Variants in DNAH17 observed in about 807,000 individuals in gnomAD.
The protein encoded by DNAH17 is dynein axonemal heavy chain 17, also known as axonemal beta dynein heavy chain 17.
In DNAH17, 376 loss-of-function variants were observed where a neutral mutation model predicts 485.6. The ratio of observed to expected loss-of-function variants is 0.77; its 90% CI spans 0.71 to 0.84. DNAH17 has a LOEUF of 0.84. Among genes scored for constraint, DNAH17 ranks in the 40% least tolerant of loss-of-function variants. The pLI is 0.00. For synonymous variants in DNAH17, 3,031 were observed against 2,405.9 expected (o/e 1.26, Z -7.60); for missense variants, 6,370 against 5,839.3 (o/e 1.09, Z -2.96).
intron 76 of DNAH17, 125 bp downstream of exon 76, chr17:78,428,994 CAT>C: frequency 1.1e-6 from 1 of 936,218 alleles, no homozygotes. Flanking sequence ...ACGCATTTCT[CAT>C]CCTCTCTTAT....
At chr17:78,440,407 C>T (rs1416871199) in intron 72 of DNAH17, among the ~76,000 whole-genome samples, 1 of 151,934 alleles carries the variant, frequency 6.6e-6, no homozygotes. Context: ...CAGGCGTACA[C>T]CACCATACCT....
intron 19 of DNAH17, among the ~76,000 whole-genome samples, chr17:78,533,539 C>T (rs1392193517): frequency 6.6e-6 from 1 of 152,130 alleles, no homozygotes. Flanking sequence ...CTATACGGAT[C>T]TTTTTAGTTG....
At position 78,423,708 on chromosome 17, in the gene DNAH17, A is replaced by C. The variant is rs1340221459; in HGVS notation, c.*198T>G. On this transcript the variant is annotated 3_prime_UTR_variant, in exon 81 of 81. Transcript: ENST00000389840. ...TGGATGGGCACAGCTGAGTGGCTCC[A>C]CTGGCTTTAATCTGCCCCACCTCTT... The C allele has an allele frequency of 1.5e-6, 1 of 645,366 alleles. No individual in the cohort carries two copies. Among genetic ancestry groups the C allele is most frequent in the South Asian group, 1.9e-5 (1 of 51,368 alleles). 40.0% of individuals were successfully genotyped at this position (645,366 alleles called of 1,614,324 possible).
intron 17 of DNAH17, among the ~76,000 whole-genome samples, chr17:78,541,944 C>A (rs552937923): frequency 7.2e-5 from 11 of 152,168 alleles, no homozygotes; most frequent in South Asian, 2.1e-4. Flanking sequence ...TGAGGCACAA[C>A]AGACTCTGGT....
At chr17:78,554,850 G>A (rs902578147) in intron 14 of DNAH17, among the ~76,000 whole-genome samples, 17 of 152,200 alleles carry the variant, frequency 1.1e-4, no homozygotes, top group Non-Finnish European at 2.1e-4. Context: ...AGGTTCAAGC[G>A]ATTCTCCTGT....
chr17:78,445,209 G>A (rs1465943437), intron 70 of DNAH17, among the ~76,000 whole-genome samples: 2 of 148,320 alleles, frequency 1.3e-5, no homozygotes, highest in African/African-American at 5.1e-5. Context: ...CTGGGAGGAG[G>A]GGAGGCTGGG....
chr17:78,525,845 G>A (rs892404565), intron 24 of DNAH17, among the ~76,000 whole-genome samples: 3 of 152,276 alleles, frequency 2.0e-5, no homozygotes, highest in African/African-American at 7.2e-5. Context: ...AATGCGACAT[G>A]AGGAAACGGC....
intron 70 of DNAH17, among the ~76,000 whole-genome samples, chr17:78,445,195 T>C (rs933297399): frequency 2.5e-5 from 1 of 40,606 alleles, no homozygotes; most frequent in Non-Finnish European, 4.7e-5. Flanking sequence ...CCACTTCCCT[T>C]ACGCTGGGAG....
At chr17:78,527,311 A>G (rs1466152127) in intron 22 of DNAH17, among the ~76,000 whole-genome samples, 1 of 152,106 alleles carries the variant, frequency 6.6e-6, no homozygotes, top group Non-Finnish European at 1.5e-5. Context: ...CACTTGGACT[A>G]GGAAGGCAGA....
intron 18 of DNAH17, 100 bp from the exon 19 acceptor site, chr17:78,537,581 G>T: frequency 7.6e-7 from 1 of 1,321,244 alleles, no homozygotes; most frequent in Non-Finnish European, 1.0e-6. Flanking sequence ...ATGTGTCACT[G>T]CCTTCCACTT....
chr17:78,518,107 CAG>C (rs369993036), intron 25 of DNAH17, among the ~76,000 whole-genome samples: 27 of 152,218 alleles, frequency 1.8e-4, no homozygotes, highest in African/African-American at 6.5e-4. Context: ...AGGGAACAAA[CAG>C]AAAACAAAAT....
intron 75 of DNAH17, among the ~76,000 whole-genome samples, chr17:78,431,566 TG>T (rs1316462138): frequency 6.6e-6 from 1 of 152,100 alleles, no homozygotes; most frequent in Non-Finnish European, 1.5e-5. Flanking sequence ...TCCGTTCGCA[TG>T]GGAATCCCTG....
chr17:78,543,339 G>A (rs528883819), intron 17 of DNAH17, among the ~76,000 whole-genome samples: 54 of 150,748 alleles, frequency 3.6e-4, no homozygotes, highest in African/African-American at 1.1e-3. Flanking sequence ...GCCGGACTGC[G>A]GATTGCAGTG....
chr17:78,561,030 A>G (rs991776028), intron 12 of DNAH17, 95 bp from the exon 13 acceptor site: 13 of 1,218,874 alleles, frequency 1.1e-5, no homozygotes, highest in Admixed American at 2.3e-5. Flanking sequence ...GGGGTGCCGA[A>G]GCGGCCGGCC....
chr17:78,561,701 G>A lies in DNAH17; in HGVS notation c.1835+14C>T. 1 of 1,594,150 alleles carries A rather than the reference G, an allele frequency of 6.3e-7. No individual in the cohort carries two copies. Among genetic ancestry groups the A allele is most frequent in the South Asian group, 1.1e-5 (1 of 87,548 alleles). On this transcript the variant is annotated intron_variant, in intron 12 of 80. Coordinates refer to ENST00000389840, the MANE Select transcript of DNAH17 (RefSeq NM_173628.4). Reference sequence around the variant, plus strand: ...GAGGCGGGGTGCCTGCCCCTGCCCAGGGCTGTGACTCACGGGTGTTCGACG... The same window carrying A: ...GAGGCGGGGTGCCTGCCCCTGCCCAAGGCTGTGACTCACGGGTGTTCGACG...
chr17:78,571,191 A>C, intron 5 of DNAH17, 88 bp downstream of exon 5: 1 of 1,349,726 alleles, frequency 7.4e-7, no homozygotes, highest in East Asian at 2.5e-5. Context: ...GGAGGCCAAC[A>C]TCCTAGGGTT....
chr17:78,536,631 A>G (rs1336187009), intron 19 of DNAH17, among the ~76,000 whole-genome samples: 1 of 151,936 alleles, frequency 6.6e-6, no homozygotes, highest in Non-Finnish European at 1.5e-5. Context: ...CAGTCAGCCG[A>G]GATTGAACCA....
At chr17:78,445,969 C>T (rs2087273516) in intron 69 of DNAH17, among the ~76,000 whole-genome samples, 3 of 151,920 alleles carry the variant, frequency 2.0e-5, no homozygotes, top group South Asian at 2.1e-4. Context: ...CTCAGGAGTT[C>T]GAGACCAGCC....
intron 16 of DNAH17, among the ~76,000 whole-genome samples, chr17:78,551,102 C>T (rs1024073668): frequency 6.6e-6 from 1 of 152,178 alleles, no homozygotes; most frequent in African/African-American, 2.4e-5. Flanking sequence ...TATATTGCTG[C>T]AAGTGTTTTT....
Sources: gnomAD v4.1 joint callset for allele counts (sites outside exome capture counted in the v4.1 genomes callset) on GRCh38, gnomAD v4.1.1 for gene constraint, MANE v1.5 for transcripts, NCBI Gene and HGNC (gene_info 2026-07-23, HGNC 2026-07-21) for gene names.